The following ERICH6 variants were observed in gnomAD, a reference collection of about 807,000 sequenced individuals.
ERICH6 encodes the protein glutamate-rich protein 6.
ERICH6 carries 71 observed loss-of-function variants against 71.0 expected under a neutral mutation model. That is an observed-to-expected ratio of 1.00 (90% CI 0.83 to 1.22). The LOEUF is 1.22. ERICH6 is among the 50% of genes most tolerant of loss of function. ERICH6 has a pLI of 0.00. For missense variants in ERICH6, 808 were observed against 797.2 expected (o/e 1.01, Z -0.16); for synonymous variants, 262 against 278.4 (o/e 0.94, Z 0.59).
Position 150,678,559 on chromosome 3 carries a change from T to C in ERICH6, c.1112-5A>G, listed in dbSNP as rs1450609606. The C allele has an allele frequency of 6.3e-7, 1 of 1,586,632 alleles. No individual in the cohort carries two copies. Among genetic ancestry groups the C allele is most frequent in the Admixed American group, 1.9e-5 (1 of 51,674 alleles). ...TTGTTTTTAAGCGCTTTGAATCTAGTGGGAAAAGAATCACATAGAAATACA... is the reference window on the plus strand; with the variant it reads ...TTGTTTTTAAGCGCTTTGAATCTAGCGGGAAAAGAATCACATAGAAATACA... On this transcript the variant is annotated splice_region_variant and splice_polypyrimidine_tract_variant and intron_variant, in intron 9 of 13. Coordinates refer to ENST00000295910, the MANE Select transcript of ERICH6 (RefSeq NM_152394.5).
At chr3:150,678,381 G>A (rs1711744111) in intron 10 of ERICH6, 28 bp downstream of exon 10, 3 of 1,523,414 alleles carry the variant, frequency 2.0e-6, no homozygotes, top group South Asian at 2.6e-5. Flanking sequence ...TTTTAAAATA[G>A]CAAGTAAAAA....
chr3:150,680,766 A>G lies in ERICH6; in HGVS notation c.1040+7T>C, dbSNP rs375991099. On this transcript the variant is annotated splice_region_variant and intron_variant, in intron 8 of 13. Transcript: ENST00000295910. ...TATGAGTTTCAGTATCGAAGTCTCA[A>G]TGTTACCTTTGCAGGGCTTTTTCTT... 10 of 1,596,910 alleles carry G rather than the reference A, an allele frequency of 6.3e-6. No homozygotes were observed. The highest frequency in any genetic ancestry group is 8.5e-6 in the Non-Finnish European group (10 of 1,175,352).
intron 2 of ERICH6, among the ~76,000 whole-genome samples, chr3:150,701,709 C>T (rs7610424): frequency 0.037 from 5,563 of 152,086 alleles, 311 homozygotes; most frequent in African/African-American, 0.12. Flanking sequence ...AGTTAAAGTG[C>T]CTGAAGGCTA....
At chr3:150,664,737 G>A (rs1727345911) in intron 13 of ERICH6, among the ~76,000 whole-genome samples, 2 of 151,882 alleles carry the variant, frequency 1.3e-5, no homozygotes, top group South Asian at 4.1e-4. Context: ...CTTTGGGGAA[G>A]GGAGTTAGAA....
At chr3:150,689,645 C>A (rs1456850880) in intron 3 of ERICH6, among the ~76,000 whole-genome samples, 1 of 152,092 alleles carries the variant, frequency 6.6e-6, no homozygotes, top group Non-Finnish European at 1.5e-5. Context: ...CTTTTTTCCT[C>A]CTAGAATCTT....
At chr3:150,662,326 T>C (rs1727254665) in intron 13 of ERICH6, among the ~76,000 whole-genome samples, 1 of 152,160 alleles carries the variant, frequency 6.6e-6, no homozygotes, top group South Asian at 2.1e-4. Context: ...CAAAAGTTGA[T>C]TGAAATACTA....
At chr3:150,697,190 G>C (rs1162848457) in intron 3 of ERICH6, among the ~76,000 whole-genome samples, 1 of 152,000 alleles carries the variant, frequency 6.6e-6, no homozygotes, top group Non-Finnish European at 1.5e-5. Flanking sequence ...AACAAAAGGG[G>C]CCACACTACT....
Position 150,660,121 on chromosome 3 carries a change from T to A in ERICH6, c.1763A>T (p.Tyr588Phe), listed in dbSNP as rs201669374. 124 of 1,613,800 alleles carry A rather than the reference T, an allele frequency of 7.7e-5. No homozygotes were observed. Among genetic ancestry groups the A allele is most frequent in the Non-Finnish European group, 1.0e-4 (122 of 1,179,932 alleles). ...CAGAAGAAGGTCATCTCCACTTACGTATCGGAGGATTGGAATCTCCTCAGG... is the reference window on the plus strand; with the variant it reads ...CAGAAGAAGGTCATCTCCACTTACGAATCGGAGGATTGGAATCTCCTCAGG... Reference protein sequence around the residue: ...PNPEEIPILRYVSGDDLLLLA... With the variant: ...PNPEEIPILRFVSGDDLLLLA... Residue 588 changes from tyrosine to phenylalanine, a missense_variant, in exon 14 of 14, where the codon TAC (tyrosine) becomes TTC (phenylalanine). Transcript: ENST00000295910.
At chr3:150,701,079 A>C (rs919247493) in intron 2 of ERICH6, among the ~76,000 whole-genome samples, 1 of 152,222 alleles carries the variant, frequency 6.6e-6, no homozygotes, top group Non-Finnish European at 1.5e-5. Context: ...TTGGAAAAGT[A>C]ATATAACTTT....
intron 2 of ERICH6, among the ~76,000 whole-genome samples, chr3:150,701,351 A>G (rs1712861995): frequency 6.7e-6 from 1 of 149,630 alleles, no homozygotes; most frequent in Non-Finnish European, 1.5e-5. Flanking sequence ...AGAAATTGAT[A>G]AACCAAGAAA....
At chr3:150,687,961 CT>C (rs1283303559) in intron 3 of ERICH6, among the ~76,000 whole-genome samples, 1 of 151,910 alleles carries the variant, frequency 6.6e-6, no homozygotes, top group Non-Finnish European at 1.5e-5. Context: ...CTATGAAAAA[CT>C]TTAAAAAAAA....
chr3:150,665,165 C>T (rs1727361129), intron 13 of ERICH6, among the ~76,000 whole-genome samples: 2 of 152,096 alleles, frequency 1.3e-5, no homozygotes, highest in Non-Finnish European at 2.9e-5. Context: ...ACTGCAGTTT[C>T]CAGACTTACT....
rs746584101 is a variant in ERICH6 at position 150,680,837 on chromosome 3, C to A, written c.976G>T (p.Asp326Tyr). 11 of 1,613,992 alleles carry A rather than the reference C, an allele frequency of 6.8e-6. 1 individual carries two copies. In the South Asian group the frequency reaches 1.2e-4, roughly 18 times the overall value. ...TCACTACCATGGGCTGCATGAGGGT[C>A]AATAGCAATTAATTCAGCTTTAGGG... ...KPPKAELIAIDPHAAHGSEVD... is the reference protein window; with the variant it reads ...KPPKAELIAIYPHAAHGSEVD... The change falls in exon 8 of 14, where the codon GAC becomes TAC. Residue 326 changes from aspartate (D) to tyrosine (Y), a missense_variant. Around this residue, in one of 3 missense-constraint regions of ERICH6, gnomAD observed 736 missense variants for 712.2 expected, o/e 1.03. Coordinates refer to ENST00000295910, the MANE Select transcript of ERICH6 (RefSeq NM_152394.5).
chr3:150,663,241 G>C (rs2108036282), intron 13 of ERICH6, among the ~76,000 whole-genome samples: 2 of 152,302 alleles, frequency 1.3e-5, no homozygotes, highest in South Asian at 4.1e-4. Context: ...AGACAAGAAT[G>C]ATAGCACTGG....
At chr3:150,691,867 G>T (rs944893680) in intron 3 of ERICH6, among the ~76,000 whole-genome samples, 4 of 151,950 alleles carry the variant, frequency 2.6e-5, no homozygotes, top group Non-Finnish European at 5.9e-5. Flanking sequence ...AGCAATTAAG[G>T]CCCCATCTTC....
chr3:150,672,533 G>A (rs1437333377), intron 11 of ERICH6, among the ~76,000 whole-genome samples: 3 of 151,950 alleles, frequency 2.0e-5, no homozygotes, highest in Non-Finnish European at 4.4e-5. Flanking sequence ...GGGAGGTGGA[G>A]GTTGCAGTGA....
chr3:150,665,710 C>T (rs980396011), intron 13 of ERICH6, among the ~76,000 whole-genome samples: 3 of 150,838 alleles, frequency 2.0e-5, no homozygotes, highest in Non-Finnish European at 4.4e-5. Context: ...GCCTGTAGTC[C>T]CAGCTACTCA....
intron 11 of ERICH6, among the ~76,000 whole-genome samples, chr3:150,672,574 G>A (rs1327648123): frequency 6.6e-6 from 1 of 151,716 alleles, no homozygotes; most frequent in Non-Finnish European, 1.5e-5. Context: ...CTACAGCCTA[G>A]GTGAGACTAT....
At chr3:150,687,238 T>C (rs144404475) in intron 3 of ERICH6, among the ~76,000 whole-genome samples, 4 of 152,328 alleles carry the variant, frequency 2.6e-5, no homozygotes, top group South Asian at 2.1e-4. Context: ...GACAAAGAGA[T>C]AATTCATGTC....
Sources: gnomAD v4.1 joint callset for allele counts (sites outside exome capture counted in the v4.1 genomes callset) on GRCh38, gnomAD v4.1.1 for gene constraint, gnomAD v4.1.1 regional missense constraint, MANE v1.5 for transcripts, NCBI Gene and HGNC (gene_info 2026-07-23, HGNC 2026-07-21) for gene names.